Variants in WWOX observed in about 807,000 individuals in gnomAD.
WWOX encodes WW domain containing oxidoreductase.
Under a neutral mutation model 46.2 loss-of-function variants are expected in WWOX, and 69 were observed. That is an observed-to-expected ratio of 1.49 (90% confidence interval 1.23 to 1.82). The LOEUF (loss-of-function observed/expected upper bound fraction) is 1.82, where lower values mean the gene tolerates loss of function less well. Among genes scored for constraint, WWOX ranks in the 40% most tolerant of loss-of-function variants. WWOX has a pLI of 0.00. For missense variants in WWOX, 919 were observed against 542.6 expected (o/e 1.69, Z -6.89); for synonymous variants, 359 against 202.6 (o/e 1.77, Z -6.56).
intron 8 of WWOX, among the ~76,000 whole-genome samples, chr16:78,817,775 C>G (rs2051378545): frequency 1.3e-5 from 2 of 152,162 alleles, no homozygotes; most frequent in South Asian, 4.1e-4. Context: ...ATTGCGCCTC[C>G]TCACCCTCTG....
chr16:78,641,785 C>T (rs1232023300), intron 8 of WWOX, among the ~76,000 whole-genome samples: 3 of 152,136 alleles, frequency 2.0e-5, no homozygotes, highest in Admixed American at 6.5e-5. Context: ...CCTCCACTCG[C>T]CTGGGTCATT....
At chr16:78,699,916 G>C (rs1020528885) in intron 8 of WWOX, among the ~76,000 whole-genome samples, 18 of 152,154 alleles carry the variant, frequency 1.2e-4, no homozygotes, top group African/African-American at 3.6e-4. Context: ...GTCCCTATGA[G>C]GGGGACATTT....
intron 8 of WWOX, among the ~76,000 whole-genome samples, chr16:78,490,638 G>T (rs1392934647): frequency 1.3e-5 from 2 of 152,192 alleles, no homozygotes; most frequent in Admixed American, 6.5e-5. Flanking sequence ...TGATTGCTCA[G>T]ATGTCCTCTT....
intron 6 of WWOX, among the ~76,000 whole-genome samples, chr16:78,421,168 T>G (rs1014408671): frequency 6.6e-6 from 1 of 152,180 alleles, no homozygotes; most frequent in African/African-American, 2.4e-5. Context: ...TTATAACAAA[T>G]TACCACAGAT....
intron 1 of WWOX, among the ~76,000 whole-genome samples, chr16:78,107,880 G>A (rs982637969): frequency 1.3e-5 from 2 of 151,982 alleles, no homozygotes; most frequent in African/African-American, 2.4e-5. Context: ...TCCCTACATC[G>A]TGGAATAAAA....
chr16:79,074,620 G>T (rs1471513587), intron 8 of WWOX, among the ~76,000 whole-genome samples: 1 of 151,566 alleles, frequency 6.6e-6, no homozygotes, highest in Non-Finnish European at 1.5e-5. Flanking sequence ...GGAATACTAA[G>T]AACCTAAGAG....
chr16:78,968,136 T>TGGCACAGCGTGTGGTCCGC (rs2046399473), intron 8 of WWOX, among the ~76,000 whole-genome samples: 1 of 46,302 alleles, frequency 2.2e-5, no homozygotes, highest in African/African-American at 6.6e-5. Flanking sequence ...GCGTGGTCCG[T>TGGCACAGCGTGTGGTCCGC]GTGGCACAGC....
chr16:78,332,786 C>T (rs1355063069), intron 5 of WWOX, among the ~76,000 whole-genome samples: 2 of 152,186 alleles, frequency 1.3e-5, no homozygotes, highest in East Asian at 1.9e-4. Flanking sequence ...ACTTTACTAA[C>T]ATGGGTTCCA....
At chr16:78,673,714 A>G (rs1428091328) in intron 8 of WWOX, among the ~76,000 whole-genome samples, 1 of 152,208 alleles carries the variant, frequency 6.6e-6, no homozygotes, top group African/African-American at 2.4e-5. Flanking sequence ...ACTCATTAGC[A>G]TTTTATGTAA....
chr16:78,603,305 C>T (rs529967142), intron 8 of WWOX, among the ~76,000 whole-genome samples: 1 of 152,178 alleles, frequency 6.6e-6, no homozygotes, highest in Non-Finnish European at 1.5e-5. Flanking sequence ...TTGGGCCTGT[C>T]CTCTCACCAG....
chr16:78,594,914 T>G (rs79994744), intron 8 of WWOX, among the ~76,000 whole-genome samples: 467 of 152,316 alleles, frequency 3.1e-3, no homozygotes, highest in African/African-American at 0.011. Context: ...GAATTATAAT[T>G]AAGAGAACCA....
At chr16:78,648,525 C>T (rs1274466089) in intron 8 of WWOX, among the ~76,000 whole-genome samples, 1 of 152,190 alleles carries the variant, frequency 6.6e-6, no homozygotes, top group Admixed American at 6.5e-5. Context: ...GACCCACAAG[C>T]TCTGGAGCAG....
chr16:78,187,828 T>G (rs900377348), intron 5 of WWOX, among the ~76,000 whole-genome samples: 1 of 152,206 alleles, frequency 6.6e-6, no homozygotes, highest in African/African-American at 2.4e-5. Context: ...TCAAGCCACA[T>G]TAGAAAGCAG....
chr16:78,912,880 C>T (rs1032809803), intron 8 of WWOX, among the ~76,000 whole-genome samples: 1 of 151,916 alleles, frequency 6.6e-6, no homozygotes, highest in Admixed American at 6.6e-5. Context: ...CTTTAAAACA[C>T]CATCAGCTTG....
At chr16:78,346,059 C>T (rs1231309776) in intron 5 of WWOX, among the ~76,000 whole-genome samples, 2 of 120,916 alleles carry the variant, frequency 1.7e-5, no homozygotes, top group South Asian at 2.5e-4. Context: ...CCAGGAAAAC[C>T]CTGGTCTGTT....
chr16:78,377,041 G>A (rs1015567352), intron 5 of WWOX, among the ~76,000 whole-genome samples: 3 of 152,234 alleles, frequency 2.0e-5, no homozygotes, highest in African/African-American at 2.4e-5. Flanking sequence ...TTTCTGAATC[G>A]AGGAGGTGGG....
At chr16:78,358,623 A>G (rs1256958101) in intron 5 of WWOX, among the ~76,000 whole-genome samples, 3 of 152,110 alleles carry the variant, frequency 2.0e-5, no homozygotes, top group African/African-American at 7.2e-5. Flanking sequence ...GTTCTACTGC[A>G]CTCCAGCCTG....
intron 8 of WWOX, among the ~76,000 whole-genome samples, chr16:78,828,194 G>C (rs1041049705): frequency 6.6e-6 from 1 of 152,146 alleles, no homozygotes; most frequent in African/African-American, 2.4e-5. Flanking sequence ...AGGAGTTGGG[G>C]GCTGAGGACT....
At chr16:78,640,655 G>C (rs1009398977) in intron 8 of WWOX, among the ~76,000 whole-genome samples, 2 of 152,078 alleles carry the variant, frequency 1.3e-5, no homozygotes, top group African/African-American at 4.8e-5. Context: ...AAAGAAAGAA[G>C]GGGCCGGGCA....
Sources: allele counts gnomAD v4.1 joint callset (sites outside exome capture counted in the v4.1 genomes callset), GRCh38; gene constraint gnomAD v4.1.1; transcripts MANE v1.5; gene names NCBI Gene and HGNC (gene_info 2026-07-23, HGNC 2026-07-21).